The following CLSTN2 variants were observed in gnomAD, a reference collection of about 807,000 sequenced individuals.
CLSTN2 encodes calsyntenin 2.
A neutral mutation model predicts 101.2 loss-of-function variants in CLSTN2; 48 were observed. That is an observed-to-expected ratio of 0.47 (90% CI 0.38 to 0.60). The LOEUF (loss-of-function observed/expected upper bound fraction) is 0.60. CLSTN2 is among the 20% of genes least tolerant of loss of function. CLSTN2 has a pLI of 0.00. For synonymous variants in CLSTN2, 481 were observed against 463.6 expected (o/e 1.04, Z -0.48); for missense variants, 1,160 against 1,238.2 (o/e 0.94, Z 0.95).
At chr3:140,434,288 C>T (rs2088666043) in intron 5 of CLSTN2, among the ~76,000 whole-genome samples, 1 of 152,164 alleles carries the variant, frequency 6.6e-6, no homozygotes, top group Non-Finnish European at 1.5e-5. Flanking sequence ...TGTGGTGTGA[C>T]CCATGAAGTA....
At chr3:140,167,992 T>C (rs2010159970) in intron 1 of CLSTN2, among the ~76,000 whole-genome samples, 1 of 152,236 alleles carries the variant, frequency 6.6e-6, no homozygotes. Context: ...TGGCACTAAG[T>C]ATTCTGAATA....
intron 2 of CLSTN2, among the ~76,000 whole-genome samples, chr3:140,238,988 G>A (rs1412257121): frequency 6.6e-6 from 1 of 152,114 alleles, no homozygotes; most frequent in East Asian, 1.9e-4. Flanking sequence ...TGAATTGAAG[G>A]CATTCATTTG....
intron 2 of CLSTN2, among the ~76,000 whole-genome samples, chr3:140,264,119 T>C (rs73867103): frequency 0.07 from 10,682 of 152,050 alleles, 904 homozygotes; most frequent in African/African-American, 0.2. Context: ...CTCTGGCTTT[T>C]TGTTTCCATC....
At chr3:140,321,532 A>G (rs2087282899) in intron 2 of CLSTN2, among the ~76,000 whole-genome samples, 1 of 152,136 alleles carries the variant, frequency 6.6e-6, no homozygotes, top group South Asian at 2.1e-4. Flanking sequence ...GAGAGAGACC[A>G]CTGGGGACCC....
chr3:140,314,679 C>T (rs1348936592), intron 2 of CLSTN2, among the ~76,000 whole-genome samples: 1 of 151,916 alleles, frequency 6.6e-6, no homozygotes, highest in African/African-American at 2.4e-5. Flanking sequence ...TTGAGTAAAC[C>T]CAGAATATGT....
At chr3:140,362,419 T>A (rs1232476654) in intron 2 of CLSTN2, among the ~76,000 whole-genome samples, 1 of 152,224 alleles carries the variant, frequency 6.6e-6, no homozygotes, top group African/African-American at 2.4e-5. Flanking sequence ...TTCTTAGATA[T>A]GACATGAAAA....
chr3:140,334,042 C>A (rs1279781830), intron 2 of CLSTN2, among the ~76,000 whole-genome samples: 1 of 152,086 alleles, frequency 6.6e-6, no homozygotes, highest in Non-Finnish European at 1.5e-5. Context: ...GGGGTAGAAG[C>A]CTCATTTTGA....
intron 2 of CLSTN2, among the ~76,000 whole-genome samples, chr3:140,333,888 C>T (rs1306719024): frequency 2.0e-5 from 3 of 152,124 alleles, no homozygotes; most frequent in Non-Finnish European, 4.4e-5. Flanking sequence ...ATTCAGTCCT[C>T]TGTTGATACT....
intron 1 of CLSTN2, among the ~76,000 whole-genome samples, chr3:140,037,882 C>A (rs905322143): frequency 1.3e-5 from 2 of 152,120 alleles, no homozygotes; most frequent in African/African-American, 4.8e-5. Context: ...GATCTTGCTC[C>A]TTTATATGGC....
At position 139,978,651 on chromosome 3, in the gene CLSTN2, TGTGTGTG is replaced by T. The variant is rs1560060167; in HGVS notation, c.109+43169_109+43175del. 7.6e-3 allele frequency among the ~76,000 whole-genome samples: 12 copies of T among 1,586 alleles called. No homozygotes were observed. The South Asian group carries it at 0.12, about 17-fold the overall frequency. The allele number at this position is 1,586 out of a possible 152,430, so 1.0% of individuals were successfully genotyped here. A position where few individuals can be genotyped will look rare whatever the true frequency, so the allele number is the denominator to read the frequency against. ...TGGGAGGATGGGGGATGGGGGATTGTGTGTGTGTGTGTGTGTGTGTGTGTGTGTGTGT... is the reference window on the plus strand; with the variant it reads ...TGGGAGGATGGGGGATGGGGGATTGTTGTGTGTGTGTGTGTGTGTGTGTGT... On this transcript the variant is annotated intron_variant, in intron 1 of 16. Transcript: ENST00000458420.
chr3:140,244,289 T>G (rs888727907), intron 2 of CLSTN2, among the ~76,000 whole-genome samples: 34 of 152,116 alleles, frequency 2.2e-4, no homozygotes, highest in African/African-American at 7.7e-4. Context: ...GAGGGTGGGT[T>G]TTGTGATGTG....
intron 2 of CLSTN2, among the ~76,000 whole-genome samples, chr3:140,401,807 G>A (rs963246373): frequency 3.3e-5 from 5 of 152,176 alleles, no homozygotes; most frequent in African/African-American, 1.2e-4. Flanking sequence ...TCTATTCAAC[G>A]CTTCTAATTT....
intron 1 of CLSTN2, among the ~76,000 whole-genome samples, chr3:140,144,120 G>C (rs2009746095): frequency 1.3e-5 from 2 of 152,214 alleles, no homozygotes; most frequent in African/African-American, 4.8e-5. Flanking sequence ...TCAAGTTGAA[G>C]ATTAGGGAAT....
intron 2 of CLSTN2, among the ~76,000 whole-genome samples, chr3:140,281,904 A>G (rs1293671834): frequency 6.6e-6 from 1 of 152,188 alleles, no homozygotes; most frequent in East Asian, 1.9e-4. Flanking sequence ...TAACTGGTCC[A>G]AAGAGGACCA....
chr3:139,977,228 A>G (rs1161596803), intron 1 of CLSTN2, among the ~76,000 whole-genome samples: 2 of 152,140 alleles, frequency 1.3e-5, no homozygotes, highest in Non-Finnish European at 2.9e-5. Flanking sequence ...TGGCTGGGAA[A>G]TGCTTTGGAG....
chr3:140,298,293 A>C (rs1576504637), intron 2 of CLSTN2, among the ~76,000 whole-genome samples: 1 of 152,322 alleles, frequency 6.6e-6, no homozygotes, highest in East Asian at 1.9e-4. Context: ...TATAAAATAC[A>C]TGTAATAGTT....
intron 1 of CLSTN2, among the ~76,000 whole-genome samples, chr3:140,171,785 A>T (rs1312085110): frequency 2.6e-5 from 2 of 75,624 alleles, no homozygotes; most frequent in Non-Finnish European, 4.6e-5. Flanking sequence ...GTATTATATA[A>T]TATATAATAT....
At position 140,327,934 on chromosome 3, in the gene CLSTN2, T is replaced by G. The variant is rs530058540; in HGVS notation, c.233-75695T>G. 3.3e-5 allele frequency among the ~76,000 whole-genome samples: 5 copies of G among 152,358 alleles called. No individual in the cohort carries two copies. In the Middle Eastern group the frequency reaches 0.01, roughly 311 times the overall value. On this transcript the variant is annotated intron_variant, in intron 2 of 16. Transcript: ENST00000458420. ...ATATTAAATTAGCCAAAAGCTGAGC[T>G]GTGGGGTTGGGAAACCTGGAGCCCT...
chr3:140,134,603 A>G (rs372474202), intron 1 of CLSTN2, among the ~76,000 whole-genome samples: 2 of 152,212 alleles, frequency 1.3e-5, no homozygotes, highest in East Asian at 3.9e-4. Context: ...CTCTTTGGAC[A>G]TAGGGAGTTA....
Sources: gnomAD v4.1 joint callset for allele counts (sites outside exome capture counted in the v4.1 genomes callset) on GRCh38, gnomAD v4.1.1 for gene constraint, MANE v1.5 for transcripts, NCBI Gene and HGNC (gene_info 2026-07-23, HGNC 2026-07-21) for gene names.